The following PPARGC1A variants were observed in gnomAD, a reference collection of about 807,000 sequenced individuals.
PPARGC1A encodes peroxisome proliferator-activated receptor gamma coactivator 1-alpha.
A neutral mutation model predicts 88.7 loss-of-function variants in PPARGC1A; 25 were observed. The observed-to-expected ratio is 0.28, with a 90% CI of 0.21 to 0.39. The LOEUF (loss-of-function observed/expected upper bound fraction) is 0.39, where lower values mean the gene tolerates loss of function less well. Ranked by LOEUF, PPARGC1A falls within the 10% of genes least tolerant of loss-of-function variation. The pLI is 1.00. For missense variants in PPARGC1A, 880 were observed against 968.7 expected (o/e 0.91, Z 1.22); for synonymous variants, 363 against 355.6 (o/e 1.02, Z -0.24).
At chr4:24,456,886 G>A in the PPARGC1A span, among the ~76,000 whole-genome samples, 3 of 152,146 alleles carry the variant, frequency 2.0e-5, no homozygotes, top group African/African-American at 7.2e-5. Context: ...GCAAAGTATG[G>A]TGGGGATGAA....
chr4:23,824,011 A>G (rs1723460852), intron 7 of PPARGC1A, among the ~76,000 whole-genome samples: 1 of 152,080 alleles, frequency 6.6e-6, no homozygotes. Flanking sequence ...AACTTAAAGC[A>G]CTTAGTGCAA....
intron 2 of PPARGC1A, among the ~76,000 whole-genome samples, chr4:23,838,001 T>G (rs1726348475): frequency 6.6e-6 from 1 of 152,164 alleles, no homozygotes; most frequent in Non-Finnish European, 1.5e-5. Flanking sequence ...AAAACTAAGT[T>G]TTTTTCCTGC....
At chr4:24,146,034 A>G in the PPARGC1A span, among the ~76,000 whole-genome samples, 1 of 152,326 alleles carries the variant, frequency 6.6e-6, no homozygotes, top group South Asian at 2.1e-4. Flanking sequence ...AATGAGTTTG[A>G]GAATGCATGT....
chr4:24,439,487 C>A, the PPARGC1A span, among the ~76,000 whole-genome samples: 1 of 152,184 alleles, frequency 6.6e-6, no homozygotes, highest in Non-Finnish European at 1.5e-5. Context: ...ATCTTCACTT[C>A]TTCCAGGTTC....
At chr4:24,127,687 C>T in the PPARGC1A span, among the ~76,000 whole-genome samples, 2 of 152,112 alleles carry the variant, frequency 1.3e-5, no homozygotes, top group African/African-American at 4.8e-5. Context: ...ATCAAGGATA[C>T]TAACTTGGGC....
At chr4:24,046,773 A>T in the PPARGC1A span, among the ~76,000 whole-genome samples, 1 of 152,110 alleles carries the variant, frequency 6.6e-6, no homozygotes, top group Non-Finnish European at 1.5e-5. Context: ...CGATAATGAC[A>T]CGCACTATTT....
chr4:24,136,402 G>A, the PPARGC1A span, among the ~76,000 whole-genome samples: 87 of 152,264 alleles, frequency 5.7e-4, no homozygotes, highest in East Asian at 2.7e-3. Context: ...TTGTAAACAC[G>A]CAAAGTAAGA....
At chr4:24,263,742 CTCT>C in the PPARGC1A span, among the ~76,000 whole-genome samples, 1 of 152,070 alleles carries the variant, frequency 6.6e-6, no homozygotes, top group Non-Finnish European at 1.5e-5. Flanking sequence ...AAGATATTTT[CTCT>C]TCCTTATGAT....
the PPARGC1A span, among the ~76,000 whole-genome samples, chr4:24,443,225 G>A: frequency 2.7e-5 from 4 of 147,714 alleles, no homozygotes; most frequent in Admixed American, 6.8e-5. Context: ...CAGTTTTAAC[G>A]TCACTATTTT....
At chr4:24,343,843 C>T in the PPARGC1A span, among the ~76,000 whole-genome samples, 1 of 151,838 alleles carries the variant, frequency 6.6e-6, no homozygotes, top group Admixed American at 6.6e-5. Context: ...CACCCATCAC[C>T]CGAGCAGTAT....
chr4:24,080,465 C>T, the PPARGC1A span, among the ~76,000 whole-genome samples: 1 of 152,038 alleles, frequency 6.6e-6, no homozygotes, highest in Non-Finnish European at 1.5e-5. Flanking sequence ...CTTTGCTTTA[C>T]AATGTAAACA....
At chr4:23,878,892 C>T (rs13117172) in intron 2 of PPARGC1A, among the ~76,000 whole-genome samples, 41,453 of 152,044 alleles carry the variant, frequency 0.27, 7,070 homozygotes, top group African/African-American at 0.46. Flanking sequence ...CATAAGTCTC[C>T]ATGAGTTTCA....
intron 2 of PPARGC1A, among the ~76,000 whole-genome samples, chr4:23,853,095 C>T (rs994551472): frequency 6.6e-6 from 1 of 152,056 alleles, no homozygotes; most frequent in South Asian, 2.1e-4. Flanking sequence ...TTTAATTAAG[C>T]ATTTAGCATT....
At chr4:24,294,761 T>C in the PPARGC1A span, among the ~76,000 whole-genome samples, 1 of 152,228 alleles carries the variant, frequency 6.6e-6, no homozygotes, top group African/African-American at 2.4e-5. Context: ...TTTCCTTTTA[T>C]GTTTTCTTCA....
intron 2 of PPARGC1A, among the ~76,000 whole-genome samples, chr4:23,874,016 T>TTA (rs1366331221): frequency 6.6e-6 from 1 of 152,118 alleles, no homozygotes; most frequent in African/African-American, 2.4e-5. Flanking sequence ...CCTTGACTGG[T>TTA]TATCTACCCA....
the PPARGC1A span, among the ~76,000 whole-genome samples, chr4:23,981,171 T>C: frequency 1.5e-3 from 227 of 152,142 alleles, no homozygotes; most frequent in African/African-American, 5.3e-3. Flanking sequence ...TGAGTATTTC[T>C]CCTAGTCCCC....
the PPARGC1A span, among the ~76,000 whole-genome samples, chr4:24,068,718 A>G: frequency 1.3e-5 from 2 of 152,328 alleles, no homozygotes; most frequent in African/African-American, 2.4e-5. Flanking sequence ...ACCTAGTCAT[A>G]GCCCAGACAG....
At chr4:23,798,169 C>T (rs1228551605) in intron 12 of PPARGC1A, among the ~76,000 whole-genome samples, 1 of 152,116 alleles carries the variant, frequency 6.6e-6, no homozygotes, top group Non-Finnish European at 1.5e-5. Context: ...AGACTCAGCC[C>T]GCCTGCACCC....
chr4:23,970,243 G>A, the PPARGC1A span, among the ~76,000 whole-genome samples: 1 of 152,122 alleles, frequency 6.6e-6, no homozygotes, highest in Non-Finnish European at 1.5e-5. Context: ...GCAACCCTTT[G>A]GTAAGATAGG....
Sources: gnomAD v4.1 joint callset for allele counts (sites outside exome capture counted in the v4.1 genomes callset) on GRCh38, gnomAD v4.1.1 for gene constraint, MANE v1.5 for transcripts, NCBI Gene and HGNC (gene_info 2026-07-23, HGNC 2026-07-21) for gene names.